Variants in CTNNA2 observed in about 807,000 individuals in gnomAD.
CTNNA2 encodes the protein catenin alpha-2.
A neutral mutation model predicts 101.0 loss-of-function variants in CTNNA2; 42 were observed. That is an observed-to-expected ratio of 0.42 (90% CI 0.32 to 0.54). The LOEUF (loss-of-function observed/expected upper bound fraction) is 0.54. Among genes scored for constraint, CTNNA2 ranks in the 20% least tolerant of loss-of-function variants. The pLI is 0.14. For synonymous variants in CTNNA2, 450 were observed against 456.4 expected, an observed-to-expected ratio of 0.99 and a Z score of 0.18; for missense variants, 871 against 1,223.1, an observed-to-expected ratio of 0.71 and a Z score of 4.29.
intron 8 of CTNNA2, among the ~76,000 whole-genome samples, chr2:80,404,100 G>A (rs1216305107): frequency 1.3e-5 from 2 of 152,152 alleles, no homozygotes; most frequent in East Asian, 3.9e-4. Flanking sequence ...CTAGGTTTTG[G>A]TATCAGGATG....
rs559294028 is a variant in CTNNA2, at chr2:79,859,233, A to G, written c.465+1054A>G. Among the ~76,000 whole-genome samples, 185 of 151,992 alleles carry G rather than the reference A, an allele frequency of 1.2e-3. 1 individual carries two copies. Among genetic ancestry groups the G allele is most frequent in the Non-Finnish European group, 2.3e-3 (159 of 68,002 alleles). On this transcript the variant is annotated intron_variant, in intron 4 of 18. Transcript: ENST00000402739. Reference sequence around the variant, plus strand: ...GGATTATCATGTTTCCTATCAGCCAATCTTCCTGTCTTATTTTCTTTATCA... The same window carrying G: ...GGATTATCATGTTTCCTATCAGCCAGTCTTCCTGTCTTATTTTCTTTATCA...
At chr2:79,838,004 T>C (rs1365929295) in intron 3 of CTNNA2, among the ~76,000 whole-genome samples, 1 of 152,122 alleles carries the variant, frequency 6.6e-6, no homozygotes, top group Non-Finnish European at 1.5e-5. Context: ...TTTATTATAA[T>C]AATCCTGGGC....
intron 7 of CTNNA2, among the ~76,000 whole-genome samples, chr2:80,209,380 G>T (rs180763352): frequency 6.6e-6 from 1 of 151,688 alleles, no homozygotes; most frequent in East Asian, 1.9e-4. Flanking sequence ...TTTTGCATGT[G>T]GGGTTTCACC....
intron 7 of CTNNA2, among the ~76,000 whole-genome samples, chr2:80,279,130 A>T (rs2149156423): frequency 1.3e-5 from 2 of 151,164 alleles, no homozygotes; most frequent in East Asian, 3.9e-4. Context: ...AAGAAGACAG[A>T]ATAATGAAGG....
At position 79,382,832 on chromosome 2, in the gene CTNNA2, T is replaced by G. The variant is rs546926556; in HGVS notation, c.-135+8819T>G. 7.5e-4 allele frequency among the ~76,000 whole-genome samples: 114 copies of G among 152,288 alleles called. 1 individual carries two copies. Among genetic ancestry groups the G allele is most frequent in the Non-Finnish European group, 9.1e-4 (62 of 68,030 alleles). ...GGTTTCACTGTGTTAGCCAGAATGGTCTCGATTTCCTGACTTCGTGATCCA... is the reference window on the plus strand; with the variant it reads ...GGTTTCACTGTGTTAGCCAGAATGGGCTCGATTTCCTGACTTCGTGATCCA... On this transcript the variant is annotated intron_variant, in intron 4 of 21. Coordinates refer to the CTNNA2 transcript ENST00000466387.
chr2:79,436,748 C>T (rs1054037574), intron 4 of CTNNA2, among the ~76,000 whole-genome samples: 2 of 152,024 alleles, frequency 1.3e-5, no homozygotes, highest in Non-Finnish European at 2.9e-5. Context: ...TATCCTGCCT[C>T]AGCCTCCCGA....
At chr2:79,495,089 C>G (rs1432577023) in intron 4 of CTNNA2, among the ~76,000 whole-genome samples, 1 of 151,858 alleles carries the variant, frequency 6.6e-6, no homozygotes, top group Non-Finnish European at 1.5e-5. Context: ...GGCGACAGAG[C>G]AAAACTCCGT....
chr2:80,626,009 TAATTTATTGTA>T (rs1241509641), intron 18 of CTNNA2, among the ~76,000 whole-genome samples: 2 of 152,100 alleles, frequency 1.3e-5, no homozygotes, highest in African/African-American at 4.8e-5. Context: ...ATCAAATTAG[TAATTTATTGTA>T]AAAAGAAATT....
chr2:80,304,849 A>G (rs1419767498), intron 7 of CTNNA2: 2 of 159,716 alleles, frequency 1.3e-5, no homozygotes, highest in East Asian at 3.9e-4. Context: ...CGAACCACTA[A>G]AGTAATATAT....
intron 9 of CTNNA2, among the ~76,000 whole-genome samples, chr2:80,526,266 C>A (rs1479740690): frequency 6.6e-6 from 1 of 152,110 alleles, no homozygotes; most frequent in Non-Finnish European, 1.5e-5. Context: ...GTGGTGCGAT[C>A]TCAGCTCACT....
At chr2:79,894,588 C>A (rs911680401) in intron 6 of CTNNA2, among the ~76,000 whole-genome samples, 3 of 152,040 alleles carry the variant, frequency 2.0e-5, no homozygotes, top group African/African-American at 7.2e-5. Flanking sequence ...CTGTTTAATC[C>A]ATGTGTTGGC....
At chr2:80,425,514 TC>T (rs1429504546) in intron 9 of CTNNA2, among the ~76,000 whole-genome samples, 1 of 152,082 alleles carries the variant, frequency 6.6e-6, no homozygotes, top group African/African-American at 2.4e-5. Context: ...AGCACAACCT[TC>T]CAATCCTTCC....
intron 7 of CTNNA2, among the ~76,000 whole-genome samples, chr2:80,083,254 A>T (rs1281459261): frequency 6.6e-6 from 1 of 152,132 alleles, no homozygotes; most frequent in Non-Finnish European, 1.5e-5. Flanking sequence ...GGGAATTTTA[A>T]AACTAGTTTC....
intron 3 of CTNNA2, among the ~76,000 whole-genome samples, chr2:79,315,005 A>G (rs1676463757): frequency 6.6e-6 from 1 of 152,160 alleles, no homozygotes; most frequent in African/African-American, 2.4e-5. Flanking sequence ...TAGCCTCACT[A>G]TGAACCTCAG....
chr2:80,221,492 T>C lies in CTNNA2; in HGVS notation c.1057-171719T>C, dbSNP rs964401943. ...TCTGCTGACCCATGCTGGGGCACCA[T>C]GTCCCAGGAATGGCTAAGTGAAAGG... On this transcript the variant is annotated intron_variant, in intron 7 of 18. Transcript: ENST00000402739. Among the ~76,000 whole-genome samples, 69 of 152,182 alleles carry C rather than the reference T, an allele frequency of 4.5e-4. 1 individual carries two copies. The highest frequency in any genetic ancestry group is 1.3e-4 in the Admixed American group (2 of 15,282).
At position 79,976,350 on chromosome 2, in the gene CTNNA2, C is replaced by A. The variant is rs73938441; in HGVS notation, c.1056+66553C>A. Among the ~76,000 whole-genome samples, 1,339 of 152,264 alleles carry A rather than the reference C, an allele frequency of 8.8e-3. 20 individuals are homozygous for A. Among genetic ancestry groups the A allele is most frequent in the African/African-American group, 0.029 (1,221 of 41,556 alleles). ...GATTGTGACTGAATAAGACACCATACCCTGGAGTTGAATTTCAATGGAATG... is the reference window on the plus strand; with the variant it reads ...GATTGTGACTGAATAAGACACCATAACCTGGAGTTGAATTTCAATGGAATG... On this transcript the variant is annotated intron_variant, in intron 7 of 18. Transcript: ENST00000402739.
intron 9 of CTNNA2, among the ~76,000 whole-genome samples, chr2:80,462,627 C>CTTTTTTTTTTTT (rs1161384853): frequency 1.7e-4 from 20 of 114,354 alleles, no homozygotes; most frequent in African/African-American, 6.7e-4. Context: ...TTCTTTCTTT[C>CTTTTTTTTTTTT]TTTCTTTTTT....
At chr2:80,164,939 G>GTTTTTTTTT (rs774573996) in intron 7 of CTNNA2, among the ~76,000 whole-genome samples, 7 of 99,266 alleles carry the variant, frequency 7.1e-5, no homozygotes, top group African/African-American at 3.3e-4. Context: ...CCAACTTTTG[G>GTTTTTTTTT]TTTTTTTTTT....
chr2:79,659,991 T>G (rs981879434), intron 2 of CTNNA2, among the ~76,000 whole-genome samples: 2 of 152,130 alleles, frequency 1.3e-5, no homozygotes, highest in Non-Finnish European at 2.9e-5. Context: ...AGATCCCATC[T>G]CTAAAAAGAA....
Sources: allele counts gnomAD v4.1 joint callset (sites outside exome capture counted in the v4.1 genomes callset), GRCh38; gene constraint gnomAD v4.1.1; transcripts MANE v1.5; gene names NCBI Gene and HGNC (gene_info 2026-07-23, HGNC 2026-07-21).